Variants in SINHCAF observed in about 807,000 individuals in gnomAD.
The protein encoded by SINHCAF is SIN3-HDAC complex-associated factor.
SINHCAF carries 3 observed loss-of-function variants against 25.8 expected under a neutral mutation model. The ratio of observed to expected loss-of-function variants is 0.12; its 90% confidence interval spans 0.05 to 0.30. SINHCAF has a LOEUF of 0.30. Among genes scored for constraint, SINHCAF ranks in the 10% least tolerant of loss-of-function variants. The pLI, the probability that SINHCAF is intolerant of heterozygous loss-of-function variation, is 1.00. For synonymous variants in SINHCAF, 70 were observed against 85.5 expected, an observed-to-expected ratio of 0.82 and a Z score of 1.00; for missense variants, 121 against 262.3, an observed-to-expected ratio of 0.46 and a Z score of 3.72.
intron 5 of SINHCAF, among the ~76,000 whole-genome samples, chr12:31,284,050 A>G (rs1357890464): frequency 6.6e-6 from 1 of 152,198 alleles, no homozygotes; most frequent in East Asian, 1.9e-4. Context: ...ATCAGTGGAC[A>G]CATCTTAAAG....
At chr12:31,285,052 T>G (rs779869248) in intron 5 of SINHCAF, among the ~76,000 whole-genome samples, 3 of 152,192 alleles carry the variant, frequency 2.0e-5, no homozygotes, top group Non-Finnish European at 4.4e-5. Flanking sequence ...TAATAATATC[T>G]ATGAATGTGC....
chr12:31,294,919 G>A (rs975961378), intron 3 of SINHCAF, among the ~76,000 whole-genome samples: 6 of 152,148 alleles, frequency 3.9e-5, no homozygotes, highest in African/African-American at 1.4e-4. Flanking sequence ...GTTATCCAAA[G>A]AGATTTAAGA....
intron 1 of SINHCAF, among the ~76,000 whole-genome samples, chr12:31,317,581 A>G (rs1252579760): frequency 6.6e-6 from 1 of 152,162 alleles, no homozygotes; most frequent in East Asian, 1.9e-4. Flanking sequence ...TACAAGCATA[A>G]AAGAAGCTTA....
At chr12:31,311,896 A>G (rs968111639) in intron 1 of SINHCAF, 2 of 522,982 alleles carry the variant, frequency 3.8e-6, no homozygotes, top group African/African-American at 3.9e-5. Context: ...TCCACCAGCT[A>G]TTTCCATTTT....
At chr12:31,311,544 A>T (rs1939268592) in intron 1 of SINHCAF, 1 of 247,516 alleles carries the variant, frequency 4.0e-6, no homozygotes, top group African/African-American at 2.3e-5. Context: ...CTGGTACTGG[A>T]AGTGAACCAC....
chr12:31,299,223 A>C (rs902892231), intron 1 of SINHCAF, among the ~76,000 whole-genome samples: 1 of 152,204 alleles, frequency 6.6e-6, no homozygotes, highest in African/African-American at 2.4e-5. Context: ...TATAGAAACT[A>C]AACTCCAATG....
chr12:31,290,509 C>T (rs116058339), intron 4 of SINHCAF, among the ~76,000 whole-genome samples: 85 of 152,026 alleles, frequency 5.6e-4, no homozygotes, highest in African/African-American at 2.0e-3. Context: ...AAAAGAAAGC[C>T]CCGTTAGTAT....
At chr12:31,314,219 A>G (rs76906837) in intron 1 of SINHCAF, among the ~76,000 whole-genome samples, 3,732 of 151,980 alleles carry the variant, frequency 0.025, 108 homozygotes, top group African/African-American at 0.068. Flanking sequence ...TCCAGCCTGG[A>G]GAGTTAGAAA....
rs2137148235 is a variant in SINHCAF at position 31,324,197 on chromosome 12, A to C, written c.-21+1827T>G. The stretch of plus-strand genomic sequence containing the variant: ...GCCAGCCCGGCCCGGCGCCTCCCGC[A>C]GGCCGCGCCTCCCGCACGCCGCGCT... On this transcript the variant is annotated intron_variant, in intron 1 of 5. Transcript: ENST00000337682. The surrounding 1 kb of genome is among the most constrained non-coding windows in gnomAD (Gnocchi z 5.5). 1 of 208,084 alleles carries C rather than the reference A, an allele frequency of 4.8e-6. No individual in the cohort carries two copies. Among genetic ancestry groups the C allele is most frequent in the Admixed American group, 6.4e-5 (1 of 15,590 alleles). 12.9% of individuals were successfully genotyped at this position (208,084 alleles called of 1,614,324 possible).
chr12:31,297,289 A>T (rs1992066), intron 2 of SINHCAF, among the ~76,000 whole-genome samples: 22,649 of 151,754 alleles, frequency 0.15, 2,305 homozygotes, highest in Non-Finnish European at 0.23. Context: ...CGACGTAGCT[A>T]GGACTACAGG....
intron 3 of SINHCAF, among the ~76,000 whole-genome samples, chr12:31,294,715 G>C (rs1045138751): frequency 1.3e-5 from 2 of 152,120 alleles, no homozygotes; most frequent in African/African-American, 4.8e-5. Flanking sequence ...TAGTGTGAAC[G>C]ATAACTGTGT....
At position 31,324,956 on chromosome 12, in the gene SINHCAF, G is replaced by T. The variant is rs192818854; in HGVS notation, c.-21+1068C>A. 2.1e-3 allele frequency: 980 copies of T among 456,522 alleles called. 5 individuals are homozygous for T. Among genetic ancestry groups the T allele is most frequent in the Middle Eastern group, 4.6e-3 (14 of 3,076 alleles). 28.3% of individuals were successfully genotyped at this position (456,522 alleles called of 1,614,324 possible). On this transcript the variant is annotated intron_variant, in intron 1 of 5. Transcript: ENST00000337682. The surrounding 1 kb of genome is among the most constrained non-coding windows in gnomAD (Gnocchi z 5.5). ...AGCAAACCACATTGTCCTGCCGGCC[G>T]GACCTGCCCGACGGCGGCCGCATCC...
intron 1 of SINHCAF, among the ~76,000 whole-genome samples, chr12:31,316,634 G>GA (rs142478802): frequency 1.3e-5 from 2 of 152,052 alleles, no homozygotes; most frequent in African/African-American, 4.8e-5. Flanking sequence ...ACATAGGAAA[G>GA]AAAAAGAGTT....
chr12:31,309,171 T>C (rs967441820), intron 1 of SINHCAF, among the ~76,000 whole-genome samples: 1 of 151,248 alleles, frequency 6.6e-6, no homozygotes, highest in Non-Finnish European at 1.5e-5. Flanking sequence ...ATCCTTGATA[T>C]TTGGTATGGC....
At chr12:31,311,429 G>A (rs530235385) in intron 1 of SINHCAF, among the ~76,000 whole-genome samples, 29 of 152,302 alleles carry the variant, frequency 1.9e-4, no homozygotes, top group Non-Finnish European at 3.4e-4. Flanking sequence ...AAGCAAATCC[G>A]ATCTTCATAA....
At chr12:31,312,166 T>C (rs966041557) in intron 1 of SINHCAF, 3 of 350,066 alleles carry the variant, frequency 8.6e-6, no homozygotes, top group East Asian at 1.4e-4. Flanking sequence ...CTATACAGAA[T>C]GTACTCTTTC....
chr12:31,321,691 C>T (rs865782894), intron 1 of SINHCAF, among the ~76,000 whole-genome samples: 8 of 152,174 alleles, frequency 5.3e-5, no homozygotes, highest in Admixed American at 2.0e-4. Context: ...AGCAAAACTT[C>T]GTGCCTCAAT....
intron 1 of SINHCAF, among the ~76,000 whole-genome samples, chr12:31,322,432 A>G (rs1309676327): frequency 6.6e-6 from 1 of 152,266 alleles, no homozygotes; most frequent in African/African-American, 2.4e-5. Flanking sequence ...AGCCAAAGTT[A>G]TTAAATCCAA....
At chr12:31,298,669 T>C (rs767503839) in intron 1 of SINHCAF, 1 of 226,040 alleles carries the variant, frequency 4.4e-6, no homozygotes, top group Non-Finnish European at 8.8e-6. Context: ...TTACCATGAA[T>C]ACTATTTGAT....
Sources: gnomAD v4.1 joint callset for allele counts (sites outside exome capture counted in the v4.1 genomes callset) on GRCh38, gnomAD v4.1.1 for gene constraint, Gnocchi (gnomAD v3.1) non-coding constraint, MANE v1.5 for transcripts, NCBI Gene and HGNC (gene_info 2026-07-23, HGNC 2026-07-21) for gene names.